CCDC39: variants seen among roughly 807,000 people sequenced by gnomAD.
The protein encoded by CCDC39 is coiled-coil domain 39 molecular ruler complex subunit.
CCDC39 carries 113 observed loss-of-function variants against 121.0 expected under a neutral mutation model. The observed-to-expected ratio is 0.93, with a 90% CI of 0.80 to 1.09. CCDC39 has a LOEUF of 1.09. Among genes scored for constraint, CCDC39 ranks in the 50% least tolerant of loss-of-function variants. CCDC39 has a pLI of 0.00. For missense variants in CCDC39, 1,063 were observed against 1,074.7 expected (o/e 0.99, Z 0.15); for synonymous variants, 349 against 352.2 (o/e 0.99, Z 0.10).
chr3:180,664,817 C>T (rs1488809118), intron 1 of CCDC39, among the ~76,000 whole-genome samples: 1 of 151,734 alleles, frequency 6.6e-6, no homozygotes, highest in African/African-American at 2.4e-5. Flanking sequence ...CTGTCTCAGC[C>T]TCCTGAGTAG....
At chr3:180,675,885 G>T (rs1235936168) in intron 1 of CCDC39, among the ~76,000 whole-genome samples, 1 of 147,948 alleles carries the variant, frequency 6.8e-6, no homozygotes, top group African/African-American at 2.6e-5. Context: ...ACAAAAACAA[G>T]AAATGGGGAA....
intron 13 of CCDC39, among the ~76,000 whole-genome samples, chr3:180,637,319 A>T (rs900013922): frequency 2.6e-5 from 4 of 152,222 alleles, no homozygotes; most frequent in African/African-American, 9.6e-5. Flanking sequence ...AGCATATGAA[A>T]AAAAGCTCAA....
At chr3:180,618,892 T>A (rs1224267713) in intron 16 of CCDC39, among the ~76,000 whole-genome samples, 4 of 152,164 alleles carry the variant, frequency 2.6e-5, no homozygotes, top group Non-Finnish European at 4.4e-5. Context: ...TTTGCCTTAG[T>A]AAGTACTTTC....
rs1193219982 is a variant in CCDC39 at position 180,642,600 on chromosome 3, G to A, written c.1666-399C>T. On this transcript the variant is annotated intron_variant, in intron 12 of 19. Coordinates refer to ENST00000476379, the MANE Select transcript of CCDC39 (RefSeq NM_181426.2). ...AGTCGTGAATAGAGTACTGACATAA[G>A]AGTACACATATCAATCAATTTTCAG... Among the ~76,000 whole-genome samples, 6 of 151,872 alleles carry A rather than the reference G, an allele frequency of 4.0e-5. No homozygotes were observed. The East Asian group carries it at 7.7e-4, about 20-fold the overall frequency.
At chr3:180,646,941 T>C in intron 11 of CCDC39, 138 bp downstream of exon 11, 1 of 717,030 alleles carries the variant, frequency 1.4e-6, no homozygotes, top group Non-Finnish European at 2.3e-6. Flanking sequence ...AGTACAAAAA[T>C]AAGAACATTG....
At chr3:180,615,128 A>G in intron 19 of CCDC39, 51 bp from the exon 20 acceptor site, 1 of 1,360,074 alleles carries the variant, frequency 7.4e-7, no homozygotes, top group Non-Finnish European at 9.9e-7. Context: ...ATATTTTAGT[A>G]TAGACCCTCT....
chr3:180,672,991 A>G (rs1376246031), intron 1 of CCDC39, among the ~76,000 whole-genome samples: 3 of 152,204 alleles, frequency 2.0e-5, no homozygotes, highest in African/African-American at 7.2e-5. Context: ...ACTGCAGATA[A>G]GGTAGAAATA....
intron 7 of CCDC39, among the ~76,000 whole-genome samples, chr3:180,654,221 CAAAA>C (rs76424115): frequency 8.9e-5 from 4 of 44,924 alleles, no homozygotes; most frequent in Non-Finnish European, 1.8e-4. Context: ...TAGCCACACG[CAAAA>C]AAAAAAAAAA....
chr3:180,615,005 G>C lies in CCDC39; in HGVS notation c.2742C>G (p.Ser914=). Residue 914 remains serine, a synonymous_variant, in exon 20 of 20, where the codon TCC becomes TCG. Transcript: ENST00000476379. ...TAGAAGGGCTGCCTACTAGTGAAGA[G>C]GAGGCCGGGAATTTAAGCTCCAGTA... ...IKVLELKFPA[S]SSLVGSPSRP... 6.4e-7 allele frequency: 1 copy of C among 1,561,718 alleles called. No individual in the cohort carries two copies. Among genetic ancestry groups the C allele is most frequent in the Non-Finnish European group, 8.7e-7 (1 of 1,151,330 alleles).
intron 13 of CCDC39, among the ~76,000 whole-genome samples, chr3:180,634,775 T>C (rs1717786802): frequency 6.6e-6 from 1 of 152,146 alleles, no homozygotes; most frequent in Non-Finnish European, 1.5e-5. Context: ...CACCACCTAC[T>C]GGATCACACC....
intron 14 of CCDC39, among the ~76,000 whole-genome samples, chr3:180,631,100 A>G (rs1717681465): frequency 6.6e-6 from 1 of 152,196 alleles, no homozygotes; most frequent in African/African-American, 2.4e-5. Flanking sequence ...GCCTAGGAGA[A>G]ATGACATTCT....
chr3:180,657,355 T>C (rs988315995), intron 6 of CCDC39, among the ~76,000 whole-genome samples: 5 of 152,110 alleles, frequency 3.3e-5, no homozygotes, highest in African/African-American at 4.8e-5. Context: ...AGCTACTAGT[T>C]GTGTATTCTG....
rs752498957 is a variant in CCDC39 at position 180,616,815 on chromosome 3, GAT to G, written c.2406+9_2406+10del. 2.6e-5 allele frequency: 41 copies of G among 1,606,700 alleles called. No homozygotes were observed. Among genetic ancestry groups the G allele is most frequent in the Non-Finnish European group, 3.3e-5 (39 of 1,176,396 alleles). ...AAATATGAAAGGTCAGTTTTTAAAA[GAT>G]ATCGATACCTGTTTGGTCACTCTTT... On this transcript the variant is annotated intron_variant, in intron 17 of 19. Coordinates refer to ENST00000476379, the MANE Select transcript of CCDC39 (RefSeq NM_181426.2).
intron 1 of CCDC39, among the ~76,000 whole-genome samples, chr3:180,677,217 A>T (rs1386798349): frequency 1.6e-4 from 7 of 44,420 alleles, no homozygotes; most frequent in Admixed American, 5.3e-4. Context: ...TATATATATA[A>T]AATCACAGTA....
intron 12 of CCDC39, 81 bp from the exon 13 acceptor site, chr3:180,642,282 A>C (rs1322055747): frequency 1.4e-6 from 1 of 733,794 alleles, no homozygotes; most frequent in Non-Finnish European, 2.1e-6. Flanking sequence ...TATATAAGTA[A>C]AACTTGAAAA....
chr3:180,634,218 G>A (rs970936293), intron 13 of CCDC39, among the ~76,000 whole-genome samples: 3 of 140,470 alleles, frequency 2.1e-5, no homozygotes, highest in Admixed American at 7.6e-5. Context: ...AGGTAGAGCC[G>A]TCAGAGGCAA....
chr3:180,646,463 C>G (rs1718070495), intron 11 of CCDC39, among the ~76,000 whole-genome samples: 1 of 152,032 alleles, frequency 6.6e-6, no homozygotes, highest in African/African-American at 2.4e-5. Context: ...TCTAGTCAAA[C>G]TTTAACATAG....
chr3:180,668,876 T>C (rs2108433340), intron 1 of CCDC39, among the ~76,000 whole-genome samples: 1 of 152,308 alleles, frequency 6.6e-6, no homozygotes, highest in African/African-American at 2.4e-5. Flanking sequence ...GTTTTAGATT[T>C]GTATGGAGTT....
intron 9 of CCDC39, among the ~76,000 whole-genome samples, chr3:180,649,294 C>T (rs545355273): frequency 7.6e-4 from 116 of 152,052 alleles, no homozygotes; most frequent in Admixed American, 2.9e-3. Flanking sequence ...TGTCTTGACC[C>T]GGAAGCCTCA....
Sources: gnomAD v4.1 joint callset for allele counts (sites outside exome capture counted in the v4.1 genomes callset) on GRCh38, gnomAD v4.1.1 for gene constraint, MANE v1.5 for transcripts, NCBI Gene and HGNC (gene_info 2026-07-23, HGNC 2026-07-21) for gene names.